Variants in EHBP1 observed in about 807,000 individuals in gnomAD.
EHBP1 encodes EH domain binding protein 1, also known as EH domain-binding protein 1.
A neutral mutation model predicts 144.0 loss-of-function variants in EHBP1; 55 were observed. The ratio of observed to expected loss-of-function variants is 0.38; its 90% CI spans 0.31 to 0.48. The LOEUF (loss-of-function observed/expected upper bound fraction) is 0.48. EHBP1 is among the 20% of genes least tolerant of loss of function. EHBP1 has a pLI of 0.98. For missense variants in EHBP1, 1,200 were observed against 1,364.2 expected (o/e 0.88, Z 1.90); for synonymous variants, 469 against 472.7 (o/e 0.99, Z 0.10).
At chr2:62,910,189 G>A (rs898605009) in intron 10 of EHBP1, among the ~76,000 whole-genome samples, 1 of 152,206 alleles carries the variant, frequency 6.6e-6, no homozygotes, top group Admixed American at 6.5e-5. Context: ...GGAGGTGCTT[G>A]AAGGATCTCC....
At chr2:62,982,666 T>C in intron 15 of EHBP1, among the ~76,000 whole-genome samples, 1 of 152,088 alleles carries the variant, frequency 6.6e-6, no homozygotes, top group Non-Finnish European at 1.5e-5. Context: ...TAGGAAGATT[T>C]TCGAAGCAGT....
intron 7 of EHBP1, among the ~76,000 whole-genome samples, chr2:62,846,671 T>A (rs2048322561): frequency 6.6e-6 from 1 of 152,258 alleles, no homozygotes; most frequent in Admixed American, 6.5e-5. Context: ...AAAAATCTAC[T>A]GTATTTTTAT....
chr2:62,743,089 T>A (rs1051960945), intron 2 of EHBP1, among the ~76,000 whole-genome samples: 1 of 152,126 alleles, frequency 6.6e-6, no homozygotes, highest in East Asian at 1.9e-4. Flanking sequence ...CTTCTCTTAT[T>A]ATATCGTATA....
At chr2:62,831,222 C>T in intron 7 of EHBP1, 64 bp downstream of exon 7, 1 of 1,473,236 alleles carries the variant, frequency 6.8e-7, no homozygotes, top group Non-Finnish European at 9.1e-7. Flanking sequence ...AACTCATTCT[C>T]ATTTCCCAGG....
intron 15 of EHBP1, among the ~76,000 whole-genome samples, chr2:62,987,396 G>A (rs544219683): frequency 6.6e-6 from 1 of 152,108 alleles, no homozygotes; most frequent in South Asian, 2.1e-4. Flanking sequence ...TAAAGGCATT[G>A]TATATGCTAG....
chr2:62,711,674 G>C (rs1469881548), intron 2 of EHBP1, among the ~76,000 whole-genome samples: 2 of 152,264 alleles, frequency 1.3e-5, no homozygotes, highest in African/African-American at 4.8e-5. Context: ...ATATAGAGGT[G>C]AGGAAGGAGA....
intron 14 of EHBP1, among the ~76,000 whole-genome samples, chr2:62,961,504 T>C (rs993937770): frequency 1.3e-5 from 2 of 152,086 alleles, no homozygotes; most frequent in African/African-American, 4.8e-5. Flanking sequence ...TAATGTAAGT[T>C]TTAGGTGTGA....
intron 5 of EHBP1, among the ~76,000 whole-genome samples, chr2:62,818,157 G>T (rs1046910092): frequency 3.0e-5 from 4 of 132,942 alleles, no homozygotes; most frequent in Non-Finnish European, 4.9e-5. Flanking sequence ...GCTGGAAGTT[G>T]CTCTGGTTAA....
At chr2:63,019,316 G>T (rs2060603977) in intron 19 of EHBP1, among the ~76,000 whole-genome samples, 1 of 152,192 alleles carries the variant, frequency 6.6e-6, no homozygotes, top group Non-Finnish European at 1.5e-5. Context: ...ACAGCATAGA[G>T]ATTTAAGAGT....
intron 19 of EHBP1, among the ~76,000 whole-genome samples, chr2:63,031,998 T>C (rs1024727660): frequency 1.3e-5 from 2 of 152,096 alleles, no homozygotes; most frequent in Non-Finnish European, 2.9e-5. Context: ...AGTTATATTT[T>C]TTTCCGTAAT....
chr2:62,864,667 A>G (rs568086361), intron 8 of EHBP1, 64 bp from the exon 9 acceptor site: 8 of 1,493,248 alleles, frequency 5.4e-6, no homozygotes, highest in East Asian at 2.3e-5. Context: ...TGAGAACACT[A>G]AACAATATTA....
chr2:62,828,454 T>G (rs1252964346), intron 6 of EHBP1, among the ~76,000 whole-genome samples: 1 of 152,228 alleles, frequency 6.6e-6, no homozygotes, highest in East Asian at 1.9e-4. Context: ...TTCAGATTTA[T>G]CAAATACATG....
At chr2:62,793,835 A>G (rs12989754) in intron 5 of EHBP1, among the ~76,000 whole-genome samples, 52,811 of 151,874 alleles carry the variant, frequency 0.35, 9,258 homozygotes, top group Middle Eastern at 0.55. Flanking sequence ...GAAATAAACA[A>G]TGGTTGCCAA....
chr2:62,885,128 G>A (rs1199338795), intron 10 of EHBP1, among the ~76,000 whole-genome samples: 1 of 152,120 alleles, frequency 6.6e-6, no homozygotes, highest in Non-Finnish European at 1.5e-5. Flanking sequence ...TGCGGAGGTG[G>A]CAAAGTGTTC....
intron 10 of EHBP1, among the ~76,000 whole-genome samples, chr2:62,906,389 C>T (rs1481564960): frequency 2.0e-5 from 3 of 152,104 alleles, no homozygotes; most frequent in Admixed American, 6.5e-5. Flanking sequence ...AGTGTAAGTT[C>T]GTCATCTTGC....
Position 62,707,092 on chromosome 2 carries a change from A to G in EHBP1, c.-100A>G, listed in dbSNP as rs1226758218. 2 of 877,498 alleles carry G rather than the reference A, an allele frequency of 2.3e-6. No individual in the cohort carries two copies. The highest frequency in any genetic ancestry group is 2.5e-5 in the East Asian group (1 of 40,282). 54.4% of individuals were successfully genotyped at this position (877,498 alleles called of 1,614,324 possible). On this transcript the variant is annotated 5_prime_UTR_variant, in exon 2 of 23. Transcript: ENST00000431489. Reference sequence around the variant, plus strand: ...CATTTCGAGTTGTAGTTGAGTTTTTAAAAGACATACATGCAAAGTTCCTTT... The same window carrying G: ...CATTTCGAGTTGTAGTTGAGTTTTTGAAAGACATACATGCAAAGTTCCTTT...
intron 5 of EHBP1, among the ~76,000 whole-genome samples, chr2:62,775,783 G>GA (rs2042015731): frequency 6.6e-6 from 1 of 152,142 alleles, no homozygotes; most frequent in African/African-American, 2.4e-5. Context: ...TACAGGTAAA[G>GA]AAAGTGAGGT....
intron 8 of EHBP1, among the ~76,000 whole-genome samples, chr2:62,861,327 G>A (rs547798513): frequency 4.0e-5 from 6 of 151,312 alleles, no homozygotes; most frequent in Admixed American, 6.6e-5. Flanking sequence ...ATGAGGTTTC[G>A]CCATGTCGGC....
intron 7 of EHBP1, among the ~76,000 whole-genome samples, chr2:62,843,418 A>C (rs2048061677): frequency 6.6e-6 from 1 of 152,172 alleles, no homozygotes; most frequent in African/African-American, 2.4e-5. Context: ...TAGTTTTCTA[A>C]AAGGAATGAA....
Sources: allele counts gnomAD v4.1 joint callset (sites outside exome capture counted in the v4.1 genomes callset), GRCh38; gene constraint gnomAD v4.1.1; transcripts MANE v1.5; gene names NCBI Gene and HGNC (gene_info 2026-07-23, HGNC 2026-07-21).